DAB1: variants seen among roughly 807,000 people sequenced by gnomAD.
DAB1 encodes the protein disabled homolog 1.
A neutral mutation model predicts 64.6 loss-of-function variants in DAB1; 15 were observed. The ratio of observed to expected loss-of-function variants is 0.23; its 90% CI spans 0.16 to 0.36. The LOEUF (loss-of-function observed/expected upper bound fraction) is 0.36, where lower values mean the gene tolerates loss of function less well. Among genes scored for constraint, DAB1 ranks in the 10% least tolerant of loss-of-function variants. The pLI is 1.00. For missense variants in DAB1, 596 were observed against 706.7 expected (o/e 0.84, Z 1.78); for synonymous variants, 235 against 251.9 (o/e 0.93, Z 0.64).
intron 5 of DAB1, among the ~76,000 whole-genome samples, chr1:58,053,388 T>C (rs79790823): frequency 0.03 from 4,629 of 152,202 alleles, 204 homozygotes; most frequent in African/African-American, 0.1. Flanking sequence ...GGAGAGCCCA[T>C]GTGTGCAGAG....
At chr1:57,457,985 T>C (rs1052278385) in intron 7 of DAB1, among the ~76,000 whole-genome samples, 3 of 152,140 alleles carry the variant, frequency 2.0e-5, no homozygotes, top group African/African-American at 7.2e-5. Flanking sequence ...CTTGCTGTAC[T>C]TTAGGTGAAA....
intron 4 of DAB1, among the ~76,000 whole-genome samples, chr1:57,091,947 G>A (rs1359735): frequency 0.24 from 35,991 of 152,148 alleles, 5,059 homozygotes; most frequent in Middle Eastern, 0.37. Context: ...TTAAGAAGTG[G>A]GAGAGTAAGG....
At chr1:57,396,368 G>GT (rs1365957346) in intron 1 of DAB1, among the ~76,000 whole-genome samples, 2 of 152,056 alleles carry the variant, frequency 1.3e-5, no homozygotes, top group Non-Finnish European at 2.9e-5. Context: ...TTGGTAAGCT[G>GT]TTTTTTTGTT....
At chr1:58,491,550 A>G (rs2100378625) in intron 3 of DAB1, among the ~76,000 whole-genome samples, 1 of 152,288 alleles carries the variant, frequency 6.6e-6, no homozygotes, top group East Asian at 1.9e-4. Flanking sequence ...CATAGGTTCA[A>G]AATAAAAGGA....
At chr1:58,186,451 A>G (rs1432698834) in intron 4 of DAB1, among the ~76,000 whole-genome samples, 5 of 152,234 alleles carry the variant, frequency 3.3e-5, no homozygotes, top group African/African-American at 1.2e-4. Flanking sequence ...TATTAAAGGA[A>G]GTAAATAAAA....
intron 12 of DAB1, among the ~76,000 whole-genome samples, 173 bp downstream of exon 12, chr1:57,014,710 G>C (rs1288831738): frequency 6.6e-6 from 1 of 152,158 alleles, no homozygotes; most frequent in African/African-American, 2.4e-5. Flanking sequence ...AGGTTTGTAT[G>C]TTATCAGTGG....
intron 3 of DAB1, among the ~76,000 whole-genome samples, chr1:58,455,589 T>G (rs1265713323): frequency 6.6e-6 from 1 of 152,266 alleles, no homozygotes; most frequent in Non-Finnish European, 1.5e-5. Context: ...GGGAATTGAC[T>G]GTTTTTCTTT....
intron 2 of DAB1, among the ~76,000 whole-genome samples, chr1:57,198,425 T>G (rs774934459): frequency 6.6e-6 from 1 of 152,158 alleles, no homozygotes; most frequent in African/African-American, 2.4e-5. Context: ...AAAGTCAGAA[T>G]GCTGGGCATC....
intron 5 of DAB1, among the ~76,000 whole-genome samples, chr1:58,061,888 G>A (rs892954533): frequency 6.6e-6 from 1 of 152,214 alleles, no homozygotes; most frequent in Non-Finnish European, 1.5e-5. Flanking sequence ...AAGATGGAGA[G>A]AGACTCCTTT....
intron 4 of DAB1, among the ~76,000 whole-genome samples, chr1:58,210,606 C>A (rs981047123): frequency 6.6e-6 from 1 of 152,196 alleles, no homozygotes; most frequent in Non-Finnish European, 1.5e-5. Context: ...CAACATCAGA[C>A]CCCTCTGGTC....
At chr1:58,075,601 T>C (rs761012327) in intron 5 of DAB1, among the ~76,000 whole-genome samples, 19 of 152,222 alleles carry the variant, frequency 1.2e-4, no homozygotes, top group Non-Finnish European at 2.2e-4. Context: ...ATGGAATGTT[T>C]GTTACTGCAG....
intron 1 of DAB1, among the ~76,000 whole-genome samples, chr1:57,342,994 G>A (rs1243440949): frequency 1.5e-4 from 16 of 109,912 alleles, no homozygotes; most frequent in Non-Finnish European, 1.1e-4. Flanking sequence ...GGACCCGAGC[G>A]GGTTGCCACT....
chr1:57,848,973 A>G (rs149935496), intron 1 of DAB1, among the ~76,000 whole-genome samples: 1 of 152,338 alleles, frequency 6.6e-6, no homozygotes, highest in East Asian at 1.9e-4. Flanking sequence ...ATGTCTTACG[A>G]TATTTGTGGA....
chr1:57,009,245 T>C (rs975512930), intron 14 of DAB1, among the ~76,000 whole-genome samples: 5 of 152,202 alleles, frequency 3.3e-5, no homozygotes, highest in Non-Finnish European at 5.9e-5. Context: ...TGGGGAATCA[T>C]CCCAAGGAGT....
intron 3 of DAB1, among the ~76,000 whole-genome samples, chr1:58,381,045 C>A (rs958297421): frequency 1.3e-5 from 2 of 152,132 alleles, no homozygotes; most frequent in Non-Finnish European, 2.9e-5. Context: ...AATGCAGGAA[C>A]AGAAAACCAA....
At chr1:58,074,527 T>TATATATATATATATATACACAC (rs1557638834) in intron 5 of DAB1, 20 of 108,330 alleles carry the variant, frequency 1.8e-4, no homozygotes, top group Non-Finnish European at 2.9e-4. Context: ...TATATACATA[T>TATATATATATATATATACACAC]ATATATATAT....
chr1:57,834,464 CTACCATG>C (rs1652721443), intron 1 of DAB1, among the ~76,000 whole-genome samples: 1 of 151,916 alleles, frequency 6.6e-6, no homozygotes, highest in South Asian at 2.1e-4. Flanking sequence ...TCATTAGTAC[CTACCATG>C]TACCAGGCAC....
At chr1:58,261,296 T>C (rs1180756596) in intron 4 of DAB1, among the ~76,000 whole-genome samples, 1 of 152,158 alleles carries the variant, frequency 6.6e-6, no homozygotes, top group Non-Finnish European at 1.5e-5. Flanking sequence ...TCAACTATAT[T>C]ACTGCTAGAG....
chr1:57,511,350 T>A (rs529031318), intron 7 of DAB1, among the ~76,000 whole-genome samples: 1 of 152,326 alleles, frequency 6.6e-6, no homozygotes, highest in South Asian at 2.1e-4. Context: ...ATGATCTTCT[T>A]GCTGCTGATT....
Sources: allele counts gnomAD v4.1 joint callset (sites outside exome capture counted in the v4.1 genomes callset), GRCh38; gene constraint gnomAD v4.1.1; transcripts MANE v1.5; gene names NCBI Gene and HGNC (gene_info 2026-07-23, HGNC 2026-07-21).